HS3ST4: variants seen among roughly 807,000 people sequenced by gnomAD.
HS3ST4 encodes the protein heparan sulfate glucosamine 3-O-sulfotransferase 4.
HS3ST4 carries 17 observed loss-of-function variants against 29.2 expected under a neutral mutation model. That is an observed-to-expected ratio of 0.58 (90% confidence interval 0.40 to 0.87). The LOEUF (loss-of-function observed/expected upper bound fraction) is 0.87. Among genes scored for constraint, HS3ST4 ranks in the 40% least tolerant of loss-of-function variants. HS3ST4 has a pLI of 0.00. For synonymous variants in HS3ST4, 314 were observed against 285.7 expected, an observed-to-expected ratio of 1.10 and a Z score of -1.00; for missense variants, 627 against 634.5, an observed-to-expected ratio of 0.99 and a Z score of 0.13.
chr16:25,885,075 C>T (rs1967936615), intron 1 of HS3ST4, among the ~76,000 whole-genome samples: 1 of 152,148 alleles, frequency 6.6e-6, no homozygotes, highest in African/African-American at 2.4e-5. Flanking sequence ...AAATGACAAG[C>T]TTAACCACTC....
chr16:26,133,059 A>G (rs1288898363), intron 1 of HS3ST4, among the ~76,000 whole-genome samples: 2 of 152,194 alleles, frequency 1.3e-5, no homozygotes, highest in Non-Finnish European at 2.9e-5. Flanking sequence ...GGCATGAATT[A>G]GAGTATACTT....
intron 1 of HS3ST4, among the ~76,000 whole-genome samples, chr16:25,987,996 C>T (rs564111970): frequency 1.3e-5 from 2 of 152,192 alleles, no homozygotes; most frequent in East Asian, 3.9e-4. Flanking sequence ...GTCTCAAATT[C>T]CTGACCTTGT....
chr16:25,858,778 G>C (rs1209927380), intron 1 of HS3ST4, among the ~76,000 whole-genome samples: 1 of 151,886 alleles, frequency 6.6e-6, no homozygotes, highest in Non-Finnish European at 1.5e-5. Context: ...TTCAAAATTA[G>C]TGGTATAAAT....
chr16:26,040,082 G>T (rs183849785), intron 1 of HS3ST4, among the ~76,000 whole-genome samples: 146 of 152,158 alleles, frequency 9.6e-4, no homozygotes, highest in African/African-American at 3.2e-3. Flanking sequence ...ACAACACTTC[G>T]CATGAACGCA....
At chr16:25,819,883 C>T (rs148269098) in intron 1 of HS3ST4, among the ~76,000 whole-genome samples, 4,190 of 150,900 alleles carry the variant, frequency 0.028, 85 homozygotes, top group Middle Eastern at 0.1. Flanking sequence ...TGGTGGTGGG[C>T]GCCTGTAACT....
chr16:25,891,135 G>A (rs112969094), intron 1 of HS3ST4, among the ~76,000 whole-genome samples: 1 of 152,138 alleles, frequency 6.6e-6, no homozygotes, highest in Admixed American at 6.5e-5. Flanking sequence ...AAGAAGTGAT[G>A]GGGTAACGTT....
At chr16:25,956,875 G>T (rs538937264) in intron 1 of HS3ST4, among the ~76,000 whole-genome samples, 35 of 151,670 alleles carry the variant, frequency 2.3e-4, no homozygotes, top group African/African-American at 8.0e-4. Context: ...GTGGGCGCAT[G>T]TAATCTCAGC....
At chr16:25,762,894 A>AG (rs1337079651) in intron 1 of HS3ST4, among the ~76,000 whole-genome samples, 2 of 148,074 alleles carry the variant, frequency 1.4e-5, no homozygotes, top group African/African-American at 5.1e-5. Flanking sequence ...AAAAAAAAAA[A>AG]AAAAAGAAAA....
chr16:26,057,951 A>G (rs1051166908), intron 1 of HS3ST4, among the ~76,000 whole-genome samples: 1 of 149,948 alleles, frequency 6.7e-6, no homozygotes, highest in African/African-American at 2.5e-5. Flanking sequence ...CCAGGGTTGA[A>G]GGCCACAGTC....
intron 1 of HS3ST4, among the ~76,000 whole-genome samples, chr16:26,113,220 A>C (rs113927196): frequency 0.016 from 2,458 of 152,258 alleles, 58 homozygotes; most frequent in African/African-American, 0.052. Context: ...CAATATGTTG[A>C]GAAATACAAC....
At chr16:26,030,728 TG>T (rs1969523872) in intron 1 of HS3ST4, among the ~76,000 whole-genome samples, 1 of 152,148 alleles carries the variant, frequency 6.6e-6, no homozygotes, top group Non-Finnish European at 1.5e-5. Context: ...CTGCTGGAAA[TG>T]GTATCATTTC....
intron 1 of HS3ST4, among the ~76,000 whole-genome samples, chr16:25,870,649 G>T (rs1967741820): frequency 6.6e-6 from 1 of 152,150 alleles, no homozygotes; most frequent in African/African-American, 2.4e-5. Flanking sequence ...GAGATGGAAA[G>T]GTATTCGAAG....
At chr16:25,955,741 T>C (rs944483308) in intron 1 of HS3ST4, among the ~76,000 whole-genome samples, 12 of 152,012 alleles carry the variant, frequency 7.9e-5, no homozygotes, top group African/African-American at 2.9e-4. Flanking sequence ...ATGATACCAG[T>C]GTGAGTAAGA....
At chr16:25,809,113 C>A (rs1967017307) in intron 1 of HS3ST4, among the ~76,000 whole-genome samples, 1 of 152,056 alleles carries the variant, frequency 6.6e-6, no homozygotes. Context: ...TGCATGCCTA[C>A]AACGTCTAGT....
At chr16:26,099,347 A>C (rs528562169) in intron 1 of HS3ST4, among the ~76,000 whole-genome samples, 68 of 152,232 alleles carry the variant, frequency 4.5e-4, no homozygotes, top group African/African-American at 1.6e-3. Flanking sequence ...GTGGAGTTGG[A>C]GCCTCGCTAT....
chr16:25,692,575 TG>T lies in HS3ST4; in HGVS notation c.161del (p.Gly54AlafsTer96). The T allele has an allele frequency of 7.0e-7, 1 of 1,432,364 alleles. No homozygotes were observed. Among genetic ancestry groups the T allele is most frequent in the Non-Finnish European group, 9.2e-7 (1 of 1,082,646 alleles). 88.7% of individuals were successfully genotyped at this position (1,432,364 alleles called of 1,614,324 possible). A position where few individuals can be genotyped will look rare whatever the true frequency, so the allele number is the denominator to read the frequency against. On this transcript the variant is annotated frameshift_variant, in exon 1 of 2. Coordinates refer to ENST00000331351, the MANE Select transcript of HS3ST4 (RefSeq NM_006040.3). LOFTEE classifies it high-confidence loss of function. The part of the protein sequence containing the change: ...LSVTYLCYSL[L>X]GGSGSLQFPL... ...GTCACCTACCTGTGCTACAGCCTCC[TG>T]GGCGGCTCGGGCTCCCTGCAATTCC...
chr16:25,801,867 T>C (rs1222972087), intron 1 of HS3ST4, among the ~76,000 whole-genome samples: 1 of 152,138 alleles, frequency 6.6e-6, no homozygotes, highest in East Asian at 1.9e-4. Context: ...TAATTTCCTT[T>C]ATATTTTATG....
chr16:25,720,658 C>G (rs1367115715), intron 1 of HS3ST4, among the ~76,000 whole-genome samples: 1 of 152,182 alleles, frequency 6.6e-6, no homozygotes, highest in Non-Finnish European at 1.5e-5. Context: ...CCAATGCTTG[C>G]ACCAGTCACA....
intron 1 of HS3ST4, among the ~76,000 whole-genome samples, chr16:25,960,332 AC>A (rs368478438): frequency 3.9e-4 from 59 of 152,172 alleles, no homozygotes; most frequent in African/African-American, 1.3e-3. Context: ...TTTATAAGTT[AC>A]CCAGCCTCAG....
Sources: gnomAD v4.1 joint callset for allele counts (sites outside exome capture counted in the v4.1 genomes callset) on GRCh38, gnomAD v4.1.1 for gene constraint, MANE v1.5 for transcripts, NCBI Gene and HGNC (gene_info 2026-07-23, HGNC 2026-07-21) for gene names.